Variants in CALD1 observed in about 807,000 individuals in gnomAD.
CALD1 encodes caldesmon 1.
Under a neutral mutation model 99.9 loss-of-function variants are expected in CALD1, and 33 were observed. The ratio of observed to expected loss-of-function variants is 0.33; its 90% CI spans 0.25 to 0.44. CALD1 has a LOEUF of 0.44. Ranked by LOEUF, CALD1 falls within the 20% of genes least tolerant of loss-of-function variation. The pLI is 1.00. For missense variants in CALD1, 861 were observed against 962.1 expected (o/e 0.89, Z 1.39); for synonymous variants, 310 against 325.0 (o/e 0.95, Z 0.50).
intron 1 of CALD1, among the ~76,000 whole-genome samples, chr7:134,842,921 T>C (rs1586084676): frequency 6.6e-6 from 1 of 152,218 alleles, no homozygotes; most frequent in East Asian, 1.9e-4. Context: ...TTCTTTTTAT[T>C]ACACCTTGGT....
intron 1 of CALD1, among the ~76,000 whole-genome samples, chr7:134,789,729 C>A (rs1797447970): frequency 6.6e-6 from 1 of 152,110 alleles, no homozygotes; most frequent in African/African-American, 2.4e-5. Flanking sequence ...ACTGCTTCTA[C>A]ATTTGGGGTC....
rs541954888 is a variant in CALD1 at position 134,806,308 on chromosome 7, C to T, written c.-130+26559C>T. Among the ~76,000 whole-genome samples, 560 of 152,302 alleles carry T rather than the reference C, an allele frequency of 3.7e-3. 1 individual carries two copies. The highest frequency in any genetic ancestry group is 0.014 in the Middle Eastern group (4 of 294). On this transcript the variant is annotated intron_variant, in intron 1 of 14. Coordinates refer to ENST00000361675, the MANE Select transcript of CALD1 (RefSeq NM_033138.4). Reference sequence around the variant, plus strand: ...TCCCACAAAAAGGGGTTTTTCTCCCCCCAGCCCACGGTTTAGCTTCCTCAT... The same window carrying T: ...TCCCACAAAAAGGGGTTTTTCTCCCTCCAGCCCACGGTTTAGCTTCCTCAT...
intron 1 of CALD1, among the ~76,000 whole-genome samples, chr7:134,769,244 G>C (rs1796856215): frequency 6.6e-6 from 1 of 152,032 alleles, no homozygotes; most frequent in African/African-American, 2.4e-5. Flanking sequence ...CTTGGCTTAA[G>C]AGTGTGAGGG....
chr7:134,800,973 T>G (rs953772169), intron 1 of CALD1, among the ~76,000 whole-genome samples: 1 of 152,108 alleles, frequency 6.6e-6, no homozygotes, highest in Non-Finnish European at 1.5e-5. Flanking sequence ...AGCATATTAT[T>G]TGAAATGTAT....
At chr7:134,930,459 A>G (rs1211077885) in intron 4 of CALD1, among the ~76,000 whole-genome samples, 1 of 152,186 alleles carries the variant, frequency 6.6e-6, no homozygotes, top group East Asian at 1.9e-4. Context: ...TGTTTAATTC[A>G]GTCTATTTAG....
At chr7:134,755,340 T>C (rs1796718118) in intron 1 of CALD1, among the ~76,000 whole-genome samples, 1 of 152,254 alleles carries the variant, frequency 6.6e-6, no homozygotes, top group Non-Finnish European at 1.5e-5. Flanking sequence ...GGTATTTCTT[T>C]GTTTGCATTT....
chr7:134,769,586 ACACT>A (rs1796860353), intron 1 of CALD1, among the ~76,000 whole-genome samples: 1 of 150,686 alleles, frequency 6.6e-6, no homozygotes, highest in Non-Finnish European at 1.5e-5. Context: ...TCTTATACAC[ACACT>A]CTCTCTCTCT....
chr7:134,793,172 T>C (rs1394218775), intron 1 of CALD1, among the ~76,000 whole-genome samples: 1 of 152,170 alleles, frequency 6.6e-6, no homozygotes, highest in African/African-American at 2.4e-5. Context: ...TCAGGGCAGC[T>C]GGCCGGGCCA....
the CALD1 span, among the ~76,000 whole-genome samples, chr7:134,727,979 C>T: frequency 6.6e-6 from 1 of 152,102 alleles, no homozygotes; most frequent in South Asian, 2.1e-4. Flanking sequence ...AGTAAACGAT[C>T]CAAGTCTGTG....
chr7:134,751,878 G>GAGGTGGGATGATTGC (rs1179066302), intron 1 of CALD1, among the ~76,000 whole-genome samples: 3 of 152,150 alleles, frequency 2.0e-5, no homozygotes, highest in Non-Finnish European at 4.4e-5. Flanking sequence ...TTGGGAGGCT[G>GAGGTGGGATGATTGC]AGGTGGGATG....
intron 1 of CALD1, among the ~76,000 whole-genome samples, chr7:134,749,909 A>G (rs957704596): frequency 2.0e-5 from 3 of 152,098 alleles, no homozygotes; most frequent in Non-Finnish European, 4.4e-5. Flanking sequence ...CTGGCTCTTG[A>G]CTCGCTTTAG....
At chr7:134,871,646 T>C (rs1226181676) in intron 3 of CALD1, among the ~76,000 whole-genome samples, 3 of 152,212 alleles carry the variant, frequency 2.0e-5, no homozygotes, top group Non-Finnish European at 4.4e-5. Flanking sequence ...ACCTGACCCC[T>C]GCAGACAGTG....
intron 3 of CALD1, among the ~76,000 whole-genome samples, chr7:134,873,199 CAAAACAAAAAAAACCCAA>C (rs932624481): frequency 2.4e-5 from 3 of 124,060 alleles, no homozygotes; most frequent in African/African-American, 9.8e-5. Context: ...AACAAACAAA[CAAAACAAAAAAAACCCAA>C]AAAACAAAAA....
intron 1 of CALD1, among the ~76,000 whole-genome samples, chr7:134,756,292 C>CAT (rs1796728460): frequency 7.7e-6 from 1 of 130,678 alleles, no homozygotes; most frequent in African/African-American, 2.9e-5. Context: ...AAAAAAAAAA[C>CAT]TAAAAATTAA....
At chr7:134,788,483 A>G (rs2131734322) in intron 1 of CALD1, among the ~76,000 whole-genome samples, 1 of 152,348 alleles carries the variant, frequency 6.6e-6, no homozygotes, top group Non-Finnish European at 1.5e-5. Flanking sequence ...TGGTAAAATT[A>G]GCCTCTGCAT....
chr7:134,929,621 C>CGTGT (rs1554468156), intron 4 of CALD1, among the ~76,000 whole-genome samples: 1 of 4,252 alleles, frequency 2.4e-4, no homozygotes, highest in African/African-American at 1.5e-3. Flanking sequence ...TGTATATATA[C>CGTGT]GTGTGTGTGT....
At chr7:134,919,028 A>G (rs181391535) in intron 3 of CALD1, among the ~76,000 whole-genome samples, 1 of 152,306 alleles carries the variant, frequency 6.6e-6, no homozygotes, top group Non-Finnish European at 1.5e-5. Flanking sequence ...ATAGTAATAA[A>G]ACAAAGTAGT....
chr7:134,731,145 A>G, the CALD1 span, among the ~76,000 whole-genome samples: 5 of 152,072 alleles, frequency 3.3e-5, no homozygotes, highest in Admixed American at 2.6e-4. Context: ...GCTTTGCCCC[A>G]TCAGTTTCCA....
intron 3 of CALD1, among the ~76,000 whole-genome samples, chr7:134,887,842 A>G (rs994236222): frequency 6.6e-6 from 1 of 150,714 alleles, no homozygotes; most frequent in Non-Finnish European, 1.5e-5. Context: ...GCATTCGTGT[A>G]TGTGTGTGTG....
Sources: gnomAD v4.1 joint callset for allele counts (sites outside exome capture counted in the v4.1 genomes callset) on GRCh38, gnomAD v4.1.1 for gene constraint, MANE v1.5 for transcripts, NCBI Gene and HGNC (gene_info 2026-07-23, HGNC 2026-07-21) for gene names.